The following GCG variants were observed in gnomAD, a reference collection of about 807,000 sequenced individuals.
GCG encodes the protein pro-glucagon.
In GCG, 11 loss-of-function variants were observed where a neutral mutation model predicts 22.8. That is an observed-to-expected ratio of 0.48 (90% CI 0.30 to 0.80). The LOEUF (loss-of-function observed/expected upper bound fraction) is 0.80, where lower values mean the gene tolerates loss of function less well. Among genes scored for constraint, GCG ranks in the 30% least tolerant of loss-of-function variants. GCG has a pLI of 0.06. For missense variants in GCG, 222 were observed against 222.0 expected, an observed-to-expected ratio of 1.00 and a Z score of 0.00; for synonymous variants, 89 against 72.4, an observed-to-expected ratio of 1.23 and a Z score of -1.16.
intron 5 of GCG, chr2:162,143,814 T>C: frequency 1.7e-6 from 1 of 571,996 alleles, no homozygotes; most frequent in Non-Finnish European, 3.1e-6. Flanking sequence ...ACTCAGTAAA[T>C]GTTTCTGGAA....
chr2:162,144,049 T>G lies in GCG; in HGVS notation c.514A>C (p.Ile172Leu), dbSNP rs764019618. The G allele has an allele frequency of 1.9e-6, 3 of 1,613,218 alleles. No homozygotes were observed. In the South Asian group the frequency reaches 3.3e-5, roughly 18 times the overall value. The change falls in exon 5 of 6, where the codon ATT becomes CTT. Residue 172 changes from isoleucine (I) to leucine (L), a missense_variant. Coordinates refer to ENST00000418842, the MANE Select transcript of GCG (RefSeq NM_002054.5). ...CACCTGTCAGTGATTTTGGTCTGAA[T>G]CAACCAGTTTATAAAGTCCCTGGCG... ...LAARDFINWL[I>L]QTKITDRK is the part of the protein sequence containing the mutation.
At position 162,145,529 on chromosome 2, in the gene GCG, T is replaced by C; in HGVS notation, c.392+11A>G. ...AGGCAAAAAATGTCAAATAAGAATG[T>C]ACAGACTTACTCTCGCCTTCCTCGG... is the stretch of plus-strand genomic sequence containing the variant. On this transcript the variant is annotated intron_variant, in intron 4 of 5. Transcript: ENST00000418842. 6.3e-7 allele frequency: 1 copy of C among 1,599,812 alleles called. No homozygotes were observed. The highest frequency in any genetic ancestry group is 8.5e-7 in the Non-Finnish European group (1 of 1,174,298).
In GCG at chr2:162,150,067, C is replaced by T. The variant is rs188463251; in HGVS notation, c.-9-880G>A. On this transcript the variant is annotated intron_variant, in intron 1 of 5. Coordinates refer to ENST00000418842, the MANE Select transcript of GCG (RefSeq NM_002054.5). The stretch of plus-strand genomic sequence containing the variant: ...CCCTGTGTCACAAGCAGATGCCCTG[C>T]GAAGCCATAGTATGTTAAGGATGTG... 3.9e-4 allele frequency among the ~76,000 whole-genome samples: 59 copies of T among 152,122 alleles called. No homozygotes were observed. The East Asian group carries it at 0.011, about 28-fold the overall frequency.
intron 1 of GCG, among the ~76,000 whole-genome samples, chr2:162,150,006 C>A (rs2106198154): frequency 1.3e-5 from 2 of 152,196 alleles, no homozygotes; most frequent in South Asian, 4.1e-4. Flanking sequence ...CTGGTGACAC[C>A]ATAGACTTGG....
intron 4 of GCG, 61 bp downstream of exon 4, chr2:162,145,479 C>T (rs918834044): frequency 1.2e-5 from 17 of 1,380,408 alleles, no homozygotes; most frequent in Non-Finnish European, 1.7e-5. Context: ...ATATAGATAA[C>T]TGTAGTCTTA....
chr2:162,143,257 C>T lies in GCG; in HGVS notation c.*107G>A. The T allele has an allele frequency of 2.1e-6, 1 of 472,286 alleles. No individual in the cohort carries two copies. The highest frequency in any genetic ancestry group is 3.8e-6 in the Non-Finnish European group (1 of 265,206). 29.3% of individuals were successfully genotyped at this position (472,286 alleles called of 1,614,324 possible). On this transcript the variant is annotated 3_prime_UTR_variant, in exon 6 of 6. Transcript: ENST00000418842. ...AAAATTTATTTATTGGCATGCAAAG[C>T]AATGTGGCCTCAGAATACACCTCTT...
At chr2:162,149,918 T>A (rs1040631545) in intron 1 of GCG, among the ~76,000 whole-genome samples, 1 of 152,056 alleles carries the variant, frequency 6.6e-6, no homozygotes, top group Non-Finnish European at 1.5e-5. Flanking sequence ...TAAAAAAAAA[T>A]TAGAGCTTGC....
intron 3 of GCG, 45 bp from the exon 4 acceptor site, chr2:162,145,722 A>G (rs774304066): frequency 5.1e-5 from 80 of 1,577,348 alleles, no homozygotes; most frequent in Non-Finnish European, 6.6e-5. Flanking sequence ...TCTCTTTGGC[A>G]ATATGGTTCT....
chr2:162,145,395 A>G, intron 4 of GCG, 145 bp downstream of exon 4: 1 of 704,686 alleles, frequency 1.4e-6, no homozygotes. Context: ...TAACTTTTAT[A>G]TACTGTTTTT....
At chr2:162,146,551 TC>T (rs1686689631) in intron 3 of GCG, among the ~76,000 whole-genome samples, 1 of 146,562 alleles carries the variant, frequency 6.8e-6, no homozygotes, top group Non-Finnish European at 1.5e-5. Flanking sequence ...TCTCTCTCTC[TC>T]TCTCTCTCTC....
At chr2:162,150,367 A>T (rs115169559) in intron 1 of GCG, among the ~76,000 whole-genome samples, 1,821 of 152,236 alleles carry the variant, frequency 0.012, 48 homozygotes, top group African/African-American at 0.042. Context: ...TAAACTATCA[A>T]TCTTTTCCTT....
rs1222170441 is a variant in GCG at position 162,147,253 on chromosome 2, G to A, written c.254+100C>T. On this transcript the variant is annotated intron_variant, in intron 3 of 5. Coordinates refer to ENST00000418842, the MANE Select transcript of GCG (RefSeq NM_002054.5). ...TCTTCAAAATGATCAGGGCTTATGG[G>A]CACTATTTGACGAGCATAAGAACTT... is the stretch of plus-strand genomic sequence containing the variant. The A allele has an allele frequency of 1.3e-5, 11 of 847,488 alleles. No homozygotes were observed. The Admixed American group carries it at 1.4e-4, about 11-fold the overall frequency. The allele number at this position is 847,488 out of a possible 1,614,324, so 52.5% of individuals were successfully genotyped here.
At position 162,147,377 on chromosome 2, in the gene GCG, C is replaced by A. The variant is rs1263899443; in HGVS notation, c.230G>T (p.Trp77Leu). 3 of 1,612,992 alleles carry A rather than the reference C, an allele frequency of 1.9e-6. No homozygotes were observed. The change falls in exon 3 of 6, where the codon TGG becomes TTG. Residue 77 changes from tryptophan to leucine, a missense_variant. Coordinates refer to ENST00000418842, the MANE Select transcript of GCG (RefSeq NM_002054.5). ...DSRRAQDFVQ[W>L]LMNTKRNRNN... ...CCTGTTCCTCTTGGTATTCATCAAC[C>A]ACTGCACAAAATCTTGGGCACGCCT...
rs569979269 is a variant in GCG, at chr2:162,145,237, G to A, written c.392+303C>T. On this transcript the variant is annotated intron_variant, in intron 4 of 5. Transcript: ENST00000418842. ...AGTCCTAGTTTAAATTTGTCTCAGC[G>A]TAGTTATTAAAAACATCCTATTTAC... 4.3e-4 allele frequency: 100 copies of A among 229,986 alleles called. 1 individual carries two copies. The highest frequency in any genetic ancestry group is 2.7e-3 in the Middle Eastern group (2 of 736). 14.2% of individuals were successfully genotyped at this position (229,986 alleles called of 1,614,324 possible). A position where few individuals can be genotyped will look rare whatever the true frequency, so the allele number is the denominator to read the frequency against.
intron 3 of GCG, among the ~76,000 whole-genome samples, chr2:162,146,822 C>T (rs933984439): frequency 1.3e-5 from 2 of 152,062 alleles, no homozygotes; most frequent in African/African-American, 4.8e-5. Context: ...GTATGCCTTA[C>T]GATAGGCTTG....
In GCG at chr2:162,149,076, G is replaced by C; in HGVS notation, c.92+11C>G. On this transcript the variant is annotated intron_variant, in intron 2 of 5. Transcript: ENST00000418842. ...TATTGATATGTTAGTTCGAGACTAC[G>C]GATTTAATACCTGGATTTCTCCTCT... 1 of 1,547,908 alleles carries C rather than the reference G, an allele frequency of 6.5e-7. No individual in the cohort carries two copies. Among genetic ancestry groups the C allele is most frequent in the Non-Finnish European group, 8.9e-7 (1 of 1,120,468 alleles).
At chr2:162,148,054 A>G (rs1268933543) in intron 2 of GCG, among the ~76,000 whole-genome samples, 1 of 152,178 alleles carries the variant, frequency 6.6e-6, no homozygotes, top group Non-Finnish European at 1.5e-5. Context: ...CTATGCCACT[A>G]ATCAACAGTT....
In GCG at chr2:162,144,045, T is replaced by C. The variant is rs751489953; in HGVS notation, c.518A>G (p.Gln173Arg). The C allele has an allele frequency of 5.0e-6, 8 of 1,613,000 alleles. No individual in the cohort carries two copies. The African/African-American group carries it at 1.1e-4, about 22-fold the overall frequency. ...AARDFINWLIQTKITDRK is the reference protein window; with the variant it reads ...AARDFINWLIRTKITDRK ...CAGTCACCTGTCAGTGATTTTGGTC[T>C]GAATCAACCAGTTTATAAAGTCCCT... The change falls in exon 5 of 6, where the codon CAG (glutamine) becomes CGG (arginine). Residue 173 changes from glutamine to arginine, a missense_variant. Physicochemically the swap from Gln to Arg is conservative, Grantham distance 43. Coordinates refer to ENST00000418842, the MANE Select transcript of GCG (RefSeq NM_002054.5).
rs59717414 is a variant in GCG, at chr2:162,146,538, TTCTCTCTCTCTC to T, written c.254+803_254+814del. On this transcript the variant is annotated intron_variant, in intron 3 of 5. Coordinates refer to ENST00000418842, the MANE Select transcript of GCG (RefSeq NM_002054.5). ...TTCTCCTATTCCTCCTGCTTGCTTG[TTCTCTCTCTCTC>T]TCTCTCTCTCTCTCTCTCTCTCTCC... Among the ~76,000 whole-genome samples the T allele has an allele frequency of 8.6e-3, 1,152 of 133,508 alleles. 16 individuals are homozygous for T. Among genetic ancestry groups the T allele is most frequent in the African/African-American group, 0.02 (642 of 32,662 alleles). The allele number at this position is 133,508 out of a possible 152,430, so 87.6% of individuals were successfully genotyped here. A position where few individuals can be genotyped will look rare whatever the true frequency, so the allele number is the denominator to read the frequency against.
Sources: allele counts gnomAD v4.1 joint callset (sites outside exome capture counted in the v4.1 genomes callset), GRCh38; gene constraint gnomAD v4.1.1; transcripts MANE v1.5; gene names NCBI Gene and HGNC (gene_info 2026-07-23, HGNC 2026-07-21).